The following LRP4 variants were observed in gnomAD, a reference collection of about 807,000 sequenced individuals.
LRP4 encodes LDL receptor related protein 4.
A neutral mutation model predicts 220.3 loss-of-function variants in LRP4; 95 were observed. The observed-to-expected ratio is 0.43, with a 90% CI of 0.37 to 0.51. The LOEUF (loss-of-function observed/expected upper bound fraction) is 0.51. LRP4 is among the 20% of genes least tolerant of loss of function. LRP4 has a pLI of 0.00. For missense variants in LRP4, 1,925 were observed against 2,567.0 expected, an observed-to-expected ratio of 0.75 and a Z score of 5.40; for synonymous variants, 903 against 954.6, an observed-to-expected ratio of 0.95 and a Z score of 1.00.
At chr11:46,881,245 G>A (rs1289983192) in intron 20 of LRP4, among the ~76,000 whole-genome samples, 1 of 152,084 alleles carries the variant, frequency 6.6e-6, no homozygotes, top group Non-Finnish European at 1.5e-5. Flanking sequence ...AAAAATAATA[G>A]TGAGTGTGTA....
chr11:46,899,762 G>C lies in LRP4; in HGVS notation c.430+101C>G. ...TCTAGCTGCTCCAGATATCTGGGCA[G>C]TTGGAGGTTTGGCAGTGCTAGGGCC... On this transcript the variant is annotated intron_variant, in intron 4 of 37. Transcript: ENST00000378623. This position sits in a 1 kb window ranked among gnomAD's most constrained non-coding sequence, Gnocchi z 5.9. 9.9e-7 allele frequency: 1 copy of C among 1,006,366 alleles called. No homozygotes were observed. The highest frequency in any genetic ancestry group is 1.3e-5 in the South Asian group (1 of 78,706). The allele number at this position is 1,006,366 out of a possible 1,614,324, so 62.3% of individuals were successfully genotyped here.
chr11:46,875,883 T>C lies in LRP4; in HGVS notation c.3620A>G (p.Asn1207Ser), dbSNP rs151234321. ...MDGSDRAVLI[N>S]NNLGWPNGLT... ...TCCATTGGGCCATCCTAGGTTGTTG[T>C]TGATGAGCACCGCGCGGTCTGAGCC... is the stretch of plus-strand genomic sequence containing the variant. The change falls in exon 26 of 38, where the codon AAC becomes AGC. Residue 1207 changes from asparagine to serine, a missense_variant. Asn to Ser is a conservative substitution (Grantham distance 46). Transcript: ENST00000378623. The surrounding 1 kb of genome is among the most constrained non-coding windows in gnomAD (Gnocchi z 4.5). 2,384 of 1,614,150 alleles carry C rather than the reference T, an allele frequency of 1.5e-3. 2 individuals are homozygous for C. The highest frequency in any genetic ancestry group is 1.9e-3 in the Non-Finnish European group (2,195 of 1,180,028).
chr11:46,877,228 G>T lies in LRP4; in HGVS notation c.3248C>A (p.Thr1083Asn). Residue 1083 changes from threonine (T) to asparagine (N), a missense_variant, in exon 23 of 38, where the codon ACC becomes AAC. Around this residue, in one of 3 missense-constraint regions of LRP4, gnomAD observed 1,244 missense variants for 1,624.9 expected, o/e 0.77. Transcript: ENST00000378623. ...CTGGGGGTCTACTCCAATGGCAATGGTGTTCTTCATGGTAATGTTGATTGG... is the reference window on the plus strand; with the variant it reads ...CTGGGGGTCTACTCCAATGGCAATGTTGTTCTTCATGGTAATGTTGATTGG... Reference protein sequence around the residue: ...VVPINITMKNTIAIGVDPQEG... With the variant: ...VVPINITMKNNIAIGVDPQEG... 6.2e-7 allele frequency: 1 copy of T among 1,613,962 alleles called. No individual in the cohort carries two copies. The highest frequency in any genetic ancestry group is 8.5e-7 in the Non-Finnish European group (1 of 1,179,894).
intron 13 of LRP4, 101 bp downstream of exon 13, chr11:46,892,872 A>G: frequency 6.9e-7 from 1 of 1,459,580 alleles, no homozygotes; most frequent in South Asian, 1.2e-5. Flanking sequence ...GCCCAGCTAC[A>G]CCACACTTTG....
chr11:46,895,377 C>T (rs891788085), intron 10 of LRP4, 86 bp from the exon 11 acceptor site: 4 of 1,568,314 alleles, frequency 2.6e-6, no homozygotes, highest in Non-Finnish European at 3.5e-6. Flanking sequence ...TTTCTGCCCA[C>T]ATCCCCATCT....
In LRP4 at chr11:46,899,278, C is replaced by A; in HGVS notation, c.547+109G>T. On this transcript the variant is annotated intron_variant, in intron 5 of 37. Coordinates refer to ENST00000378623, the MANE Select transcript of LRP4 (RefSeq NM_002334.4). This position sits in a 1 kb window ranked among gnomAD's most constrained non-coding sequence, Gnocchi z 5.9. ...CCTAGGAGGAGCTGCTGCTGAGGCA[C>A]CCATGCTCCTTGCCCTTGGTACATG... The A allele has an allele frequency of 1.0e-6, 1 of 989,720 alleles. No individual in the cohort carries two copies. The highest frequency in any genetic ancestry group is 1.6e-6 in the Non-Finnish European group (1 of 618,310). The allele number at this position is 989,720 out of a possible 1,614,324, so 61.3% of individuals were successfully genotyped here.
chr11:46,882,684 T>G (rs913139520), intron 19 of LRP4, among the ~76,000 whole-genome samples: 8 of 150,362 alleles, frequency 5.3e-5, no homozygotes. Context: ...AGACCCCATC[T>G]CTACAAAAAA....
chr11:46,896,423 G>C (rs1459677095), intron 8 of LRP4, 88 bp from the exon 9 acceptor site: 6 of 1,538,220 alleles, frequency 3.9e-6, no homozygotes, highest in Middle Eastern at 1.7e-4. Context: ...GTAAGCTGGA[G>C]ACAGATGAGA....
chr11:46,897,586 T>C (rs1278237039), intron 7 of LRP4, among the ~76,000 whole-genome samples: 1 of 149,630 alleles, frequency 6.7e-6, no homozygotes, highest in Non-Finnish European at 1.5e-5. Flanking sequence ...TTAACGAGCA[T>C]GCGGCCTTCA....
chr11:46,906,773 C>T (rs1941767376), intron 1 of LRP4, among the ~76,000 whole-genome samples: 1 of 152,062 alleles, frequency 6.6e-6, no homozygotes, highest in Non-Finnish European at 1.5e-5. Flanking sequence ...AACAGAAGTC[C>T]CGATTTCCCC....
chr11:46,888,280 A>G (rs1347908007), intron 16 of LRP4, among the ~76,000 whole-genome samples: 5 of 151,248 alleles, frequency 3.3e-5, no homozygotes, highest in African/African-American at 1.2e-4. Flanking sequence ...AATGCCAGGC[A>G]CAGTGGCTCA....
Position 46,896,878 on chromosome 11 carries a change from C to G in LRP4, c.913G>C (p.Glu305Gln). 6.2e-7 allele frequency: 1 copy of G among 1,614,220 alleles called. No homozygotes were observed. Among genetic ancestry groups the G allele is most frequent in the South Asian group, 1.1e-5 (1 of 91,086 alleles). The change falls in exon 8 of 38, where the codon GAG (glutamate) becomes CAG (glutamine). Residue 305 changes from glutamate to glutamine, a missense_variant. Physicochemically the swap from Glu to Gln is conservative, Grantham distance 29 (BLOSUM62 2). Coordinates refer to ENST00000378623, the MANE Select transcript of LRP4 (RefSeq NM_002334.4). ...CADNSDEENC[E>Q]NTGSPQCALD... is the part of the protein sequence containing the mutation. ...CCCCGGGAGACACCACCTGTATTCT[C>G]ACAGTTCTCTTCATCGCTGTTGTCT...
At chr11:46,861,661 G>A (rs908508006) in intron 37 of LRP4, among the ~76,000 whole-genome samples, 1 of 151,736 alleles carries the variant, frequency 6.6e-6, no homozygotes, top group African/African-American at 2.4e-5. Context: ...GTGTAGCTGG[G>A]ACTACAGGCA....
intron 18 of LRP4, among the ~76,000 whole-genome samples, chr11:46,885,333 G>A (rs1374161572): frequency 6.6e-6 from 1 of 152,120 alleles, no homozygotes; most frequent in Non-Finnish European, 1.5e-5. Flanking sequence ...CCAAGAATCT[G>A]CATGTCCAAC....
chr11:46,871,252 C>A (rs1233272830), intron 31 of LRP4, among the ~76,000 whole-genome samples: 2 of 152,126 alleles, frequency 1.3e-5, no homozygotes, highest in Non-Finnish European at 2.9e-5. Context: ...GGCCTAGGAA[C>A]CTGCATTTTA....
Position 46,858,588 on chromosome 11 carries a change from A to T in LRP4, c.*395T>A, listed in dbSNP as rs1012588281. 6.4e-6 allele frequency: 2 copies of T among 313,164 alleles called. No homozygotes were observed. Among genetic ancestry groups the T allele is most frequent in the African/African-American group, 4.3e-5 (2 of 46,514 alleles). 19.4% of individuals were successfully genotyped at this position (313,164 alleles called of 1,614,324 possible). A position where few individuals can be genotyped will look rare whatever the true frequency, so the allele number is the denominator to read the frequency against. On this transcript the variant is annotated 3_prime_UTR_variant, in exon 38 of 38. Transcript: ENST00000378623. ...GGCAAGTTCTCTCAGAGAAGCAGTC[A>T]TGCTGGCTGTGATGGGGCAGAGCGC...
intron 16 of LRP4, among the ~76,000 whole-genome samples, chr11:46,888,584 G>A (rs1248369801): frequency 1.0e-5 from 1 of 96,122 alleles, no homozygotes; most frequent in East Asian, 3.4e-4. Flanking sequence ...GAATGCAAGG[G>A]GAAAACTCAG....
intron 34 of LRP4, among the ~76,000 whole-genome samples, chr11:46,866,583 G>T (rs1274624959): frequency 6.6e-6 from 1 of 152,044 alleles, no homozygotes; most frequent in Admixed American, 6.6e-5. Context: ...ACTGCGCCTG[G>T]CCCAGATTAT....
intron 7 of LRP4, among the ~76,000 whole-genome samples, chr11:46,897,980 G>A (rs1358657754): frequency 5.3e-5 from 7 of 132,136 alleles, no homozygotes; most frequent in Non-Finnish European, 8.1e-5. Context: ...CCTCCCGGAC[G>A]GGGCGGCTGG....
Sources: allele counts gnomAD v4.1 joint callset (sites outside exome capture counted in the v4.1 genomes callset), GRCh38; gene constraint gnomAD v4.1.1; regional missense constraint gnomAD v4.1.1; non-coding constraint Gnocchi (gnomAD v3.1); transcripts MANE v1.5; gene names NCBI Gene and HGNC (gene_info 2026-07-23, HGNC 2026-07-21).